Variants in ARL13B observed in about 807,000 individuals in gnomAD.
ARL13B encodes the protein ARF like GTPase 13B, also known as ADP-ribosylation factor-like protein 13B.
In ARL13B, 36 loss-of-function variants were observed where a neutral mutation model predicts 56.1. The observed-to-expected ratio is 0.64, with a 90% CI of 0.49 to 0.85. The LOEUF is 0.85. Among genes scored for constraint, ARL13B ranks in the 40% least tolerant of loss-of-function variants. ARL13B has a pLI of 0.00. For synonymous variants in ARL13B, 178 were observed against 171.1 expected, an observed-to-expected ratio of 1.04 and a Z score of -0.32; for missense variants, 519 against 507.1, an observed-to-expected ratio of 1.02 and a Z score of -0.23.
At chr3:93,994,659 G>T (rs1307138730) in intron 1 of ARL13B, among the ~76,000 whole-genome samples, 2 of 152,080 alleles carry the variant, frequency 1.3e-5, no homozygotes, top group Non-Finnish European at 2.9e-5. Flanking sequence ...ATGGTCAGTG[G>T]TTATTTATTT....
chr3:94,037,276 C>G (rs1348295254), intron 5 of ARL13B, among the ~76,000 whole-genome samples: 1 of 152,126 alleles, frequency 6.6e-6, no homozygotes, highest in African/African-American at 2.4e-5. Context: ...AGAAGGTGAG[C>G]TGCTAGAGAA....
chr3:93,981,398 G>C (rs940969875), intron 1 of ARL13B, among the ~76,000 whole-genome samples: 2 of 151,770 alleles, frequency 1.3e-5, no homozygotes, highest in Non-Finnish European at 2.9e-5. Context: ...AACATTTTAA[G>C]TATATTTGCC....
In ARL13B at chr3:93,987,317, A is replaced by G. The variant is rs141739731; in HGVS notation, c.59+6835A>G. Among the ~76,000 whole-genome samples the G allele has an allele frequency of 5.7e-3, 861 of 152,240 alleles. 1 individual carries two copies. The highest frequency in any genetic ancestry group is 8.1e-3 in the Non-Finnish European group (553 of 68,010). Reference sequence around the variant, plus strand: ...CAGTATTTCTGATATATTAATTTGTATATCCGTTATATAAAAAGGAATTCT... The same window carrying G: ...CAGTATTTCTGATATATTAATTTGTGTATCCGTTATATAAAAAGGAATTCT... On this transcript the variant is annotated intron_variant, in intron 1 of 9. Coordinates refer to ENST00000394222, the MANE Select transcript of ARL13B (RefSeq NM_001174150.2).
chr3:93,991,659 C>T (rs1253026820), intron 1 of ARL13B, among the ~76,000 whole-genome samples: 8 of 152,218 alleles, frequency 5.3e-5, no homozygotes, highest in Non-Finnish European at 1.2e-4. Context: ...GTGTGAGCCA[C>T]CATGTCCGTC....
intron 5 of ARL13B, 44 bp from the exon 6 acceptor site, chr3:94,039,836 C>A: frequency 6.4e-7 from 1 of 1,555,430 alleles, no homozygotes; most frequent in East Asian, 2.3e-5. Context: ...CATGGTTCAG[C>A]ACTTTCTCAA....
At chr3:94,039,231 T>C (rs1205453346) in intron 5 of ARL13B, among the ~76,000 whole-genome samples, 2 of 152,100 alleles carry the variant, frequency 1.3e-5, no homozygotes, top group African/African-American at 2.4e-5. Context: ...CTGGGCGCGG[T>C]GGCTCACACC....
intron 1 of ARL13B, among the ~76,000 whole-genome samples, chr3:93,991,749 G>T (rs2075880936): frequency 1.3e-5 from 2 of 152,194 alleles, no homozygotes; most frequent in South Asian, 4.1e-4. Context: ...CTTTATAGAA[G>T]TTTGAGTTTT....
intron 3 of ARL13B, among the ~76,000 whole-genome samples, chr3:94,021,182 T>G: frequency 6.8e-6 from 1 of 146,450 alleles, no homozygotes; most frequent in African/African-American, 2.5e-5. Context: ...TTTAATATTA[T>G]TATATATATA....
At chr3:93,999,318 T>G (rs1033944013) in intron 2 of ARL13B, among the ~76,000 whole-genome samples, 1 of 152,000 alleles carries the variant, frequency 6.6e-6, no homozygotes, top group Non-Finnish European at 1.5e-5. Flanking sequence ...CATAGCTCAC[T>G]GTAATCTCAA....
intron 3 of ARL13B, chr3:94,014,229 G>T: frequency 1.9e-6 from 1 of 523,208 alleles, no homozygotes; most frequent in Non-Finnish European, 3.0e-6. Context: ...AGAAGTTTCT[G>T]AAATTTTAGT....
At chr3:93,980,573 G>A in intron 1 of ARL13B, 91 bp downstream of exon 1, 7 of 1,513,170 alleles carry the variant, frequency 4.6e-6, no homozygotes, top group Admixed American at 1.7e-5. Context: ...GCGCCTGGAC[G>A]AGTCTATCCC....
chr3:94,033,814 C>T lies in ARL13B; in HGVS notation c.381-1517C>T, dbSNP rs2076717662. Among the ~76,000 whole-genome samples, 3 of 152,246 alleles carry T rather than the reference C, an allele frequency of 2.0e-5. No individual in the cohort carries two copies. In the South Asian group the frequency reaches 6.2e-4, roughly 32 times the overall value. ...CGAAGTATGCTTGCCAAAAAGATTTCATCTGAAACTCATCCAGCTTCTTAC... is the reference window on the plus strand; with the variant it reads ...CGAAGTATGCTTGCCAAAAAGATTTTATCTGAAACTCATCCAGCTTCTTAC... On this transcript the variant is annotated intron_variant, in intron 3 of 9. Coordinates refer to ENST00000394222, the MANE Select transcript of ARL13B (RefSeq NM_001174150.2).
chr3:94,054,461 T>C lies in ARL13B; in HGVS notation c.*1198T>C. 5.6e-6 allele frequency: 2 copies of C among 357,326 alleles called. No individual in the cohort carries two copies. The highest frequency in any genetic ancestry group is 5.4e-6 in the Non-Finnish European group (1 of 184,430). The allele number at this position is 357,326 out of a possible 1,614,324, so 22.1% of individuals were successfully genotyped here. A position where few individuals can be genotyped will look rare whatever the true frequency, so the allele number is the denominator to read the frequency against. On this transcript the variant is annotated 3_prime_UTR_variant, in exon 10 of 10. Coordinates refer to ENST00000394222, the MANE Select transcript of ARL13B (RefSeq NM_001174150.2). ...ATGTATATTTTTAATAATAGATTCATAATGTTACATTTAATTGAAAACAAA... is the reference window on the plus strand; with the variant it reads ...ATGTATATTTTTAATAATAGATTCACAATGTTACATTTAATTGAAAACAAA...
chr3:94,044,589 G>GTACCCAAC (rs2076944836), intron 7 of ARL13B, among the ~76,000 whole-genome samples: 1 of 146,628 alleles, frequency 6.8e-6, no homozygotes, highest in Admixed American at 6.8e-5. Context: ...TCTGGGAGGT[G>GTACCCAAC]AGGAGCGTCT....
chr3:93,987,207 G>A (rs1710515149), intron 1 of ARL13B, among the ~76,000 whole-genome samples: 1 of 150,974 alleles, frequency 6.6e-6, no homozygotes, highest in Non-Finnish European at 1.5e-5. Flanking sequence ...TGCCCAGGTT[G>A]GTCTCAAACT....
intron 3 of ARL13B, among the ~76,000 whole-genome samples, chr3:94,009,655 ACCCCTAC>A (rs1481167174): frequency 6.6e-6 from 1 of 151,506 alleles, no homozygotes; most frequent in African/African-American, 2.4e-5. Context: ...TTCCTCTGAA[ACCCCTAC>A]TTATTGAATT....
chr3:93,997,358 G>A (rs1054656328), intron 2 of ARL13B, among the ~76,000 whole-genome samples: 7 of 152,130 alleles, frequency 4.6e-5, no homozygotes, highest in Non-Finnish European at 2.9e-5. Flanking sequence ...GATGATTGCA[G>A]TAAGATATCA....
At chr3:93,995,495 A>G (rs1297673081) in intron 1 of ARL13B, among the ~76,000 whole-genome samples, 1 of 152,132 alleles carries the variant, frequency 6.6e-6, no homozygotes, top group Non-Finnish European at 1.5e-5. Context: ...CATAAGATAA[A>G]CAGATTGGTG....
At chr3:93,991,112 A>G (rs748603421) in intron 1 of ARL13B, among the ~76,000 whole-genome samples, 6 of 152,320 alleles carry the variant, frequency 3.9e-5, no homozygotes, top group Admixed American at 1.3e-4. Flanking sequence ...TGTGTCCACA[A>G]TGCTTAACGT....
Sources: allele counts gnomAD v4.1 joint callset (sites outside exome capture counted in the v4.1 genomes callset), GRCh38; gene constraint gnomAD v4.1.1; transcripts MANE v1.5; gene names NCBI Gene and HGNC (gene_info 2026-07-23, HGNC 2026-07-21).